NPHP3: variants seen among roughly 807,000 people sequenced by gnomAD.
NPHP3 encodes nephrocystin 3.
A neutral mutation model predicts 171.9 loss-of-function variants in NPHP3; 123 were observed. The observed-to-expected ratio is 0.72, with a 90% CI of 0.62 to 0.83. NPHP3 has a LOEUF of 0.83. Ranked by LOEUF, NPHP3 falls within the 40% of genes least tolerant of loss-of-function variation. The probability of loss-of-function intolerance (pLI) is 0.00; values close to 1 mark genes in which losing one functional copy is unlikely to be tolerated. For synonymous variants in NPHP3, 558 were observed against 579.2 expected (o/e 0.96, Z 0.52); for missense variants, 1,506 against 1,591.9 (o/e 0.95, Z 0.92).
At chr3:132,698,995 C>T (rs1449469211) in intron 13 of NPHP3, among the ~76,000 whole-genome samples, 1 of 152,102 alleles carries the variant, frequency 6.6e-6, no homozygotes, top group Non-Finnish European at 1.5e-5. Context: ...CAGGTTCAAG[C>T]GATTCTCCTG....
intron 15 of NPHP3, among the ~76,000 whole-genome samples, chr3:132,695,715 C>T (rs1365430161): frequency 6.6e-6 from 1 of 152,092 alleles, no homozygotes; most frequent in Non-Finnish European, 1.5e-5. Flanking sequence ...AGGTGGATTG[C>T]TTGAGCCCAG....
chr3:132,709,631 C>T (rs912795594), intron 6 of NPHP3, among the ~76,000 whole-genome samples: 3 of 152,072 alleles, frequency 2.0e-5, no homozygotes, highest in African/African-American at 7.2e-5. Flanking sequence ...CGACCAATTC[C>T]CCTTTCTAGA....
At chr3:132,696,858 AC>A (rs1482616279) in intron 14 of NPHP3, 45 bp from the exon 15 acceptor site, 3 of 1,492,468 alleles carry the variant, frequency 2.0e-6, no homozygotes, top group Non-Finnish European at 2.8e-6. Flanking sequence ...TACAAAAACC[AC>A]CCTGGAATTA....
At chr3:132,697,563 C>T (rs1939488853) in intron 13 of NPHP3, among the ~76,000 whole-genome samples, 1 of 152,120 alleles carries the variant, frequency 6.6e-6, no homozygotes, top group East Asian at 1.9e-4. Flanking sequence ...AGCAATGAAT[C>T]ACAACAAACA....
chr3:132,699,859 A>G (rs1228293484), intron 12 of NPHP3, 59 bp downstream of exon 12: 2 of 1,543,206 alleles, frequency 1.3e-6, no homozygotes, highest in Admixed American at 1.7e-5. Flanking sequence ...TGCTCTAGCT[A>G]TTACTGAATT....
In NPHP3 at chr3:132,686,399, A is replaced by G. The variant is rs1197254261; in HGVS notation, c.3202-12T>C. 3.1e-6 allele frequency: 5 copies of G among 1,613,854 alleles called. No individual in the cohort carries two copies. The highest frequency in any genetic ancestry group is 3.4e-6 in the Non-Finnish European group (4 of 1,179,902). ...AGGGCAAATCCGTACTGCAGCAAAC[A>G]TGAAAAATGAAAAGCAATCACTAAG... On this transcript the variant is annotated splice_polypyrimidine_tract_variant and intron_variant, in intron 22 of 26. Coordinates refer to ENST00000337331, the MANE Select transcript of NPHP3 (RefSeq NM_153240.5).
rs113197751 is a variant in NPHP3 at position 132,686,848 on chromosome 3, C to T, written c.3201+303G>A. On this transcript the variant is annotated intron_variant, in intron 22 of 26. Coordinates refer to ENST00000337331, the MANE Select transcript of NPHP3 (RefSeq NM_153240.5). ...GCTTTCTTCACATTTGAACATAACA[C>T]AAAATGTTAACTAAATTTATTTTAT... 1.2e-3 allele frequency among the ~76,000 whole-genome samples: 183 copies of T among 152,220 alleles called. 1 individual carries two copies. Among genetic ancestry groups the T allele is most frequent in the African/African-American group, 3.8e-3 (157 of 41,542 alleles).
Position 132,717,072 on chromosome 3 carries a change from A to T in NPHP3, c.671-163T>A. On this transcript the variant is annotated intron_variant, in intron 3 of 26. Coordinates refer to ENST00000337331, the MANE Select transcript of NPHP3 (RefSeq NM_153240.5). Reference sequence around the variant, plus strand: ...TGCCATCGACTTTTGGCAAAGTTCAAAGATACTGATTAACATAATTCTGGT... The same window carrying T: ...TGCCATCGACTTTTGGCAAAGTTCATAGATACTGATTAACATAATTCTGGT... 4 of 676,236 alleles carry T rather than the reference A, an allele frequency of 5.9e-6. No homozygotes were observed. In the East Asian group the frequency reaches 1.1e-4, roughly 19 times the overall value. The allele number at this position is 676,236 out of a possible 1,614,324, so 41.9% of individuals were successfully genotyped here.
intron 7 of NPHP3, 101 bp from the exon 8 acceptor site, chr3:132,705,915 A>C (rs1322698097): frequency 2.9e-6 from 2 of 680,872 alleles, no homozygotes; most frequent in African/African-American, 3.6e-5. Flanking sequence ...ACTATTCTAA[A>C]TATTTAACAC....
intron 9 of NPHP3, among the ~76,000 whole-genome samples, chr3:132,702,020 C>T (rs1278878473): frequency 1.3e-5 from 2 of 151,784 alleles, no homozygotes; most frequent in Admixed American, 6.6e-5. Context: ...AGCAAGACTC[C>T]GTCTCAAAAC....
In NPHP3 at chr3:132,683,526, TA is replaced by T. The variant is rs775946553; in HGVS notation, c.3571-3del. On this transcript the variant is annotated splice_region_variant and splice_polypyrimidine_tract_variant and intron_variant, in intron 24 of 26. Coordinates refer to ENST00000337331, the MANE Select transcript of NPHP3 (RefSeq NM_153240.5). ...AGGTACAGCTTTGTCAAGTTTCCCC[TA>T]AAAAACAAGAGTTAAATCTAACAAA... is the stretch of plus-strand genomic sequence containing the variant. 6.2e-7 allele frequency: 1 copy of T among 1,610,704 alleles called. No homozygotes were observed. The highest frequency in any genetic ancestry group is 1.3e-5 in the African/African-American group (1 of 74,762).
At chr3:132,718,345 AC>A (rs1169569637) in intron 3 of NPHP3, among the ~76,000 whole-genome samples, 1 of 152,216 alleles carries the variant, frequency 6.6e-6, no homozygotes, top group Middle Eastern at 3.2e-3. Flanking sequence ...TTTCCAGAAA[AC>A]ATGTTTCATT....
intron 5 of NPHP3, among the ~76,000 whole-genome samples, chr3:132,714,621 C>A (rs151178745): frequency 5.3e-4 from 80 of 152,010 alleles, no homozygotes; most frequent in African/African-American, 1.8e-3. Context: ...CCTAGCTGTT[C>A]TGGAGGACTG....
At chr3:132,715,056 G>A (rs749055533) in intron 5 of NPHP3, 29 bp downstream of exon 5, 9 of 1,577,200 alleles carry the variant, frequency 5.7e-6, no homozygotes, top group Middle Eastern at 1.8e-4. Context: ...TTTTAAATTG[G>A]TTGATACAGA....
intron 19 of NPHP3, 145 bp from the exon 20 acceptor site, chr3:132,689,408 A>C (rs190365790): frequency 1.2e-6 from 1 of 825,058 alleles, no homozygotes; most frequent in African/African-American, 1.7e-5. Context: ...ACCACTCACT[A>C]TCTGAATTCC....
Position 132,705,807 on chromosome 3 carries a change from T to A in NPHP3, c.1283A>T (p.Asp428Val), listed in dbSNP as rs775837415. 1 of 1,498,622 alleles carries A rather than the reference T, an allele frequency of 6.7e-7. No homozygotes were observed. Among genetic ancestry groups the A allele is most frequent in the Admixed American group, 1.7e-5 (1 of 59,270 alleles). 92.8% of individuals were successfully genotyped at this position (1,498,622 alleles called of 1,614,324 possible). ...TCCTTCTGCAGGATCTCCTGAGTGA[T>A]CAATGATCTAGATAAAAATCATTTA... ...LNKTSKAKIIDHSGDPAEGVY... is the reference protein window; with the variant it reads ...LNKTSKAKIIVHSGDPAEGVY... The change falls in exon 8 of 27, where the codon GAT (aspartate) becomes GTT (valine). Residue 428 changes from aspartate (D) to valine (V), a missense_variant. Transcript: ENST00000337331.
At chr3:132,691,853 G>T (rs138896964) in intron 17 of NPHP3, among the ~76,000 whole-genome samples, 2 of 152,114 alleles carry the variant, frequency 1.3e-5, no homozygotes, top group Non-Finnish European at 2.9e-5. Flanking sequence ...GCCAAAGTCC[G>T]CCTGGGGCTT....
At chr3:132,697,820 A>C (rs937722006) in intron 13 of NPHP3, among the ~76,000 whole-genome samples, 4 of 152,118 alleles carry the variant, frequency 2.6e-5, no homozygotes, top group Non-Finnish European at 4.4e-5. Flanking sequence ...TTTATGTATA[A>C]AGTACACATA....
chr3:132,689,476 C>T (rs925867547), intron 19 of NPHP3, among the ~76,000 whole-genome samples: 4 of 152,188 alleles, frequency 2.6e-5, no homozygotes, highest in Non-Finnish European at 5.9e-5. Context: ...GACCTCATCA[C>T]CTTCATCTGC....
Sources: allele counts gnomAD v4.1 joint callset (sites outside exome capture counted in the v4.1 genomes callset), GRCh38; gene constraint gnomAD v4.1.1; transcripts MANE v1.5; gene names NCBI Gene and HGNC (gene_info 2026-07-23, HGNC 2026-07-21).